ADAMTS18: variants seen among roughly 807,000 people sequenced by gnomAD.
ADAMTS18 encodes A disintegrin and metalloproteinase with thrombospondin motifs 18.
Under a neutral mutation model 165.9 loss-of-function variants are expected in ADAMTS18, and 157 were observed. The ratio of observed to expected loss-of-function variants is 0.95; its 90% CI spans 0.83 to 1.08. ADAMTS18 has a LOEUF of 1.08. Among genes scored for constraint, ADAMTS18 ranks in the 50% least tolerant of loss-of-function variants. The probability of loss-of-function intolerance (pLI) is 0.00; values close to 1 mark genes in which losing one functional copy is unlikely to be tolerated. For missense variants in ADAMTS18, 2,040 were observed against 1,534.0 expected, an observed-to-expected ratio of 1.33 and a Z score of -5.51; for synonymous variants, 782 against 578.2, an observed-to-expected ratio of 1.35 and a Z score of -5.06.
intron 10 of ADAMTS18, among the ~76,000 whole-genome samples, chr16:77,342,115 A>C (rs954183244): frequency 2.0e-5 from 3 of 152,210 alleles, no homozygotes; most frequent in African/African-American, 7.2e-5. Flanking sequence ...TAACCGTCGT[A>C]GCAGAATACA....
chr16:77,429,208 G>A (rs2057709005), intron 3 of ADAMTS18, among the ~76,000 whole-genome samples: 1 of 152,136 alleles, frequency 6.6e-6, no homozygotes, highest in South Asian at 2.1e-4. Flanking sequence ...ATGACAGAGT[G>A]GATGAAGAAA....
rs1567474883 is a variant in ADAMTS18 at position 77,314,787 on chromosome 16, A to ATATATATATAT, written c.2532+5061_2532+5062insATATATATATA. Among the ~76,000 whole-genome samples the ATATATATATAT allele has an allele frequency of 5.8e-3, 285 of 49,304 alleles. 46 individuals are homozygous for ATATATATATAT. Among genetic ancestry groups the ATATATATATAT allele is most frequent in the Middle Eastern group, 0.025 (2 of 80 alleles). The allele number at this position is 49,304 out of a possible 152,430, so 32.3% of individuals were successfully genotyped here. A position where few individuals can be genotyped will look rare whatever the true frequency, so the allele number is the denominator to read the frequency against. ...ATATATATATATATATATATATATA[A>ATATATATATAT]AATATATGTGATATGCTCAGAAGGC... On this transcript the variant is annotated intron_variant, in intron 16 of 22. Transcript: ENST00000282849.
At chr16:77,427,281 T>C (rs1433136237) in intron 3 of ADAMTS18, among the ~76,000 whole-genome samples, 4 of 152,190 alleles carry the variant, frequency 2.6e-5, no homozygotes, top group Non-Finnish European at 2.9e-5. Flanking sequence ...GACAGATGAT[T>C]TTTGAGCAGT....
chr16:77,420,676 G>A (rs1224348073), intron 3 of ADAMTS18, among the ~76,000 whole-genome samples: 1 of 152,202 alleles, frequency 6.6e-6, no homozygotes, highest in Non-Finnish European at 1.5e-5. Flanking sequence ...GGAAAACCCT[G>A]TGACAAGATG....
intron 3 of ADAMTS18, among the ~76,000 whole-genome samples, chr16:77,424,574 T>C (rs933437769): frequency 2.0e-5 from 3 of 152,188 alleles, no homozygotes; most frequent in African/African-American, 7.2e-5. Context: ...TCCTGCTCTC[T>C]GGCAAGAACC....
Position 77,367,575 on chromosome 16 carries a change from C to A in ADAMTS18, c.644G>T (p.Arg215Leu), listed in dbSNP as rs772735876. ...ATTCCGGCCAGAGCCGGGGTAGCCA[C>A]GGTACCGCTGGATCTTCTCCTCTGC... ...RTAEEKIQRY[R>L]GYPGSGRNYP... The change falls in exon 4 of 23, where the codon CGT becomes CTT. Residue 215 changes from arginine (R) to leucine (L), a missense_variant. Coordinates refer to ENST00000282849, the MANE Select transcript of ADAMTS18 (RefSeq NM_199355.4). The A allele has an allele frequency of 6.2e-7, 1 of 1,614,092 alleles. No homozygotes were observed. The highest frequency in any genetic ancestry group is 2.2e-5 in the East Asian group (1 of 44,892).
At chr16:77,404,586 T>C (rs1473287349) in intron 3 of ADAMTS18, among the ~76,000 whole-genome samples, 1 of 152,188 alleles carries the variant, frequency 6.6e-6, no homozygotes, top group Non-Finnish European at 1.5e-5. Flanking sequence ...CTCAAATACA[T>C]AGTAGATGGA....
intron 3 of ADAMTS18, among the ~76,000 whole-genome samples, chr16:77,413,841 C>T (rs1244042241): frequency 6.8e-6 from 1 of 146,738 alleles, no homozygotes; most frequent in African/African-American, 2.5e-5. Flanking sequence ...ATTAAACTAG[C>T]AAGTTTTAAC....
chr16:77,321,409 T>G (rs2055996913), intron 14 of ADAMTS18, among the ~76,000 whole-genome samples: 1 of 152,170 alleles, frequency 6.6e-6, no homozygotes, highest in African/African-American at 2.4e-5. Context: ...GTTGTATAAC[T>G]CATCTAAGGC....
intron 16 of ADAMTS18, among the ~76,000 whole-genome samples, chr16:77,317,799 A>C (rs1225434048): frequency 6.6e-6 from 1 of 152,190 alleles, no homozygotes; most frequent in Non-Finnish European, 1.5e-5. Flanking sequence ...CATTACCAAT[A>C]TCATGGTAGC....
At chr16:77,394,118 A>G (rs997703262) in intron 3 of ADAMTS18, among the ~76,000 whole-genome samples, 2 of 152,228 alleles carry the variant, frequency 1.3e-5, no homozygotes, top group African/African-American at 4.8e-5. Context: ...ATTAAACTTG[A>G]TATCACTGCA....
In ADAMTS18 at chr16:77,283,873, G is replaced by T; in HGVS notation, c.*83C>A. 9.3e-7 allele frequency: 1 copy of T among 1,080,164 alleles called. No homozygotes were observed. The highest frequency in any genetic ancestry group is 1.4e-6 in the Non-Finnish European group (1 of 698,384). The allele number at this position is 1,080,164 out of a possible 1,614,324, so 66.9% of individuals were successfully genotyped here. A position where few individuals can be genotyped will look rare whatever the true frequency, so the allele number is the denominator to read the frequency against. On this transcript the variant is annotated 3_prime_UTR_variant, in exon 23 of 23. Coordinates refer to ENST00000282849, the MANE Select transcript of ADAMTS18 (RefSeq NM_199355.4). ...GCTCACAGATGGTTCTCGGTGCTCA[G>T]CTCCTGGTCTCAAAGGCAGCTGGTC...
intron 3 of ADAMTS18, among the ~76,000 whole-genome samples, chr16:77,429,293 G>A (rs1030782429): frequency 1.3e-5 from 2 of 152,166 alleles, no homozygotes; most frequent in Non-Finnish European, 2.9e-5. Flanking sequence ...CAGGAACGTG[G>A]ATGGAGAGCA....
At chr16:77,287,637 A>T (rs1339615025) in intron 22 of ADAMTS18, among the ~76,000 whole-genome samples, 1 of 151,996 alleles carries the variant, frequency 6.6e-6, no homozygotes, top group Non-Finnish European at 1.5e-5. Context: ...ACACCCAGCT[A>T]GTTTTTATAT....
chr16:77,312,233 C>CTTTTTTTTTTTTTTTTTTTTTT (rs200863135), intron 16 of ADAMTS18, among the ~76,000 whole-genome samples: 1 of 144,964 alleles, frequency 6.9e-6, no homozygotes, highest in Non-Finnish European at 1.5e-5. Flanking sequence ...AAAAACTTTT[C>CTTTTTTTTTTTTTTTTTTTTTT]TTTTTTTTTT....
intron 3 of ADAMTS18, among the ~76,000 whole-genome samples, chr16:77,380,650 G>C (rs566430174): frequency 1.3e-5 from 2 of 152,104 alleles, no homozygotes; most frequent in Non-Finnish European, 2.9e-5. Context: ...TTTATAAGCA[G>C]CCATAACCTA....
chr16:77,401,194 C>T (rs1333303682), intron 3 of ADAMTS18, among the ~76,000 whole-genome samples: 2 of 152,160 alleles, frequency 1.3e-5, no homozygotes, highest in East Asian at 1.9e-4. Flanking sequence ...ACAGAGGTTG[C>T]GGTGAGCCGA....
At chr16:77,384,559 T>G (rs1434320290) in intron 3 of ADAMTS18, among the ~76,000 whole-genome samples, 2 of 152,180 alleles carry the variant, frequency 1.3e-5, no homozygotes, top group Non-Finnish European at 2.9e-5. Context: ...TTTGAACTTC[T>G]GTACATTGGG....
At chr16:77,430,896 C>T (rs2057730381) in intron 3 of ADAMTS18, among the ~76,000 whole-genome samples, 1 of 152,160 alleles carries the variant, frequency 6.6e-6, no homozygotes. Context: ...ACCAGTGCTG[C>T]TGAATGCAAT....
Sources: allele counts gnomAD v4.1 joint callset (sites outside exome capture counted in the v4.1 genomes callset), GRCh38; gene constraint gnomAD v4.1.1; transcripts MANE v1.5; gene names NCBI Gene and HGNC (gene_info 2026-07-23, HGNC 2026-07-21).